The following ADAMTS12 variants were observed in gnomAD, a reference collection of about 807,000 sequenced individuals.
The protein encoded by ADAMTS12 is A disintegrin and metalloproteinase with thrombospondin motifs 12.
ADAMTS12 carries 118 observed loss-of-function variants against 167.8 expected under a neutral mutation model. That is an observed-to-expected ratio of 0.70 (90% CI 0.61 to 0.82). ADAMTS12 has a LOEUF of 0.82. ADAMTS12 is among the 40% of genes least tolerant of loss of function. The pLI is 0.00. For synonymous variants in ADAMTS12, 704 were observed against 716.9 expected (o/e 0.98, Z 0.29); for missense variants, 1,916 against 1,998.8 (o/e 0.96, Z 0.79).
At position 33,762,325 on chromosome 5, in the gene ADAMTS12, G is replaced by A. The variant is rs1313932935; in HGVS notation, c.490-10777C>T. 6.6e-5 allele frequency among the ~76,000 whole-genome samples: 10 copies of A among 151,986 alleles called. No individual in the cohort carries two copies. In the South Asian group the frequency reaches 1.5e-3, roughly 22 times the overall value. On this transcript the variant is annotated intron_variant, in intron 2 of 23. Coordinates refer to ENST00000504830, the MANE Select transcript of ADAMTS12 (RefSeq NM_030955.4). ...AGATCGAGACCATCCTGGCTAACAC[G>A]GTGAAACCCTGTCTCTACTAAAAAT...
chr5:33,624,644 T>C (rs577252523), intron 13 of ADAMTS12, among the ~76,000 whole-genome samples: 71 of 152,312 alleles, frequency 4.7e-4, no homozygotes, highest in African/African-American at 1.6e-3. Flanking sequence ...AATCTAACTA[T>C]GAAAACATCT....
intron 3 of ADAMTS12, among the ~76,000 whole-genome samples, chr5:33,698,986 G>A (rs1450115613): frequency 2.6e-5 from 4 of 152,042 alleles, no homozygotes; most frequent in African/African-American, 7.2e-5. Context: ...GTGAAACCCC[G>A]TCTCAACTAA....
intron 19 of ADAMTS12, among the ~76,000 whole-genome samples, chr5:33,566,501 TCTC>T (rs1320116629): frequency 6.6e-6 from 1 of 152,072 alleles, no homozygotes; most frequent in African/African-American, 2.4e-5. Flanking sequence ...CTCCTTCTCT[TCTC>T]CTCTCTCTTC....
chr5:33,549,132 C>T, intron 21 of ADAMTS12, 75 bp downstream of exon 21: 5 of 1,531,782 alleles, frequency 3.3e-6, no homozygotes, highest in South Asian at 1.3e-5. Context: ...CTGATTTCTA[C>T]ACTTATGCAG....
In ADAMTS12 at chr5:33,595,998, A is replaced by G; in HGVS notation, c.2590T>C (p.Cys864Arg). The G allele has an allele frequency of 6.2e-7, 1 of 1,614,130 alleles. No homozygotes were observed. Among genetic ancestry groups the G allele is most frequent in the East Asian group, 2.2e-5 (1 of 44,878 alleles). The change falls in exon 17 of 24, where the codon TGT (cysteine) becomes CGT (arginine). Residue 864 changes from cysteine to arginine, a missense_variant. Transcript: ENST00000504830. ...KGRGMVKATF[C>R]DPETQPNGRQ... ...CCATTGGGCTGTGTTTCTGGGTCAC[A>G]GAATGTAGCTTTCACCATCCCGCGG...
Position 33,576,741 on chromosome 5 carries a change from T to A in ADAMTS12, c.3285A>T (p.Gln1095His), listed in dbSNP as rs770996077. 2 of 1,614,028 alleles carry A rather than the reference T, an allele frequency of 1.2e-6. No individual in the cohort carries two copies. The highest frequency in any genetic ancestry group is 1.7e-6 in the Non-Finnish European group (2 of 1,180,040). The change falls in exon 19 of 24, where the codon CAA becomes CAT. Residue 1095 changes from glutamine to histidine, a missense_variant. Transcript: ENST00000504830. ...GSTSQPILTSQSLSIQPSEEN... is the reference protein window; with the variant it reads ...GSTSQPILTSHSLSIQPSEEN... The stretch of plus-strand genomic sequence containing the variant: ...CCTCACTTGGCTGAATGCTCAAGGA[T>A]TGGGAAGTGAGGATGGGCTGGGAAG...
At position 33,768,327 on chromosome 5, in the gene ADAMTS12, G is replaced by T. The variant is rs577676504; in HGVS notation, c.490-16779C>A. On this transcript the variant is annotated intron_variant, in intron 2 of 23. Coordinates refer to ENST00000504830, the MANE Select transcript of ADAMTS12 (RefSeq NM_030955.4). ...AACCCATAACTCTAAAGCCAAGGGG[G>T]TGATTTTTTAATACCTCTGCTAGCT... Among the ~76,000 whole-genome samples, 14 of 152,268 alleles carry T rather than the reference G, an allele frequency of 9.2e-5. No individual in the cohort carries two copies. In the South Asian group the frequency reaches 2.1e-3, roughly 23 times the overall value.
chr5:33,660,330 T>C (rs1741212003), intron 6 of ADAMTS12, among the ~76,000 whole-genome samples: 1 of 152,166 alleles, frequency 6.6e-6, no homozygotes, highest in Non-Finnish European at 1.5e-5. Flanking sequence ...GCAATGAGAT[T>C]TTGGGCAAGA....
chr5:33,623,348 T>A (rs542562763), intron 14 of ADAMTS12, among the ~76,000 whole-genome samples: 1 of 152,118 alleles, frequency 6.6e-6, no homozygotes, highest in African/African-American at 2.4e-5. Flanking sequence ...CTCCCTAGAG[T>A]AACCTCAACC....
chr5:33,640,177 G>C (rs2112169479), intron 11 of ADAMTS12, among the ~76,000 whole-genome samples: 1 of 152,316 alleles, frequency 6.6e-6, no homozygotes, highest in East Asian at 1.9e-4. Context: ...TTGAACCACA[G>C]ATCCAAATCT....
At chr5:33,622,319 C>T (rs922189442) in intron 14 of ADAMTS12, among the ~76,000 whole-genome samples, 3 of 152,122 alleles carry the variant, frequency 2.0e-5, no homozygotes, top group Non-Finnish European at 4.4e-5. Flanking sequence ...ATTAGAAGAA[C>T]AGCACCTCAG....
intron 5 of ADAMTS12, among the ~76,000 whole-genome samples, chr5:33,676,918 T>G (rs1441246706): frequency 6.6e-6 from 1 of 152,120 alleles, no homozygotes; most frequent in Non-Finnish European, 1.5e-5. Flanking sequence ...CCAAGAAGAA[T>G]TTCTTTGTGA....
intron 21 of ADAMTS12, among the ~76,000 whole-genome samples, chr5:33,546,725 T>C (rs886480578): frequency 4.6e-5 from 7 of 152,246 alleles, no homozygotes; most frequent in African/African-American, 1.7e-4. Flanking sequence ...GTCAGATTTC[T>C]AAAAGGGTAC....
intron 3 of ADAMTS12, among the ~76,000 whole-genome samples, chr5:33,703,971 G>A (rs971946378): frequency 4.6e-5 from 7 of 152,286 alleles, no homozygotes; most frequent in Admixed American, 3.9e-4. Flanking sequence ...AGCCTCTTCT[G>A]CTTTAACCTT....
Position 33,624,241 on chromosome 5 carries a change from C to T in ADAMTS12, c.2133G>A (p.Lys711=), listed in dbSNP as rs746257990. 1 of 1,614,108 alleles carries T rather than the reference C, an allele frequency of 6.2e-7. No homozygotes were observed. The highest frequency in any genetic ancestry group is 8.5e-7 in the Non-Finnish European group (1 of 1,179,960). Reference sequence around the variant, plus strand: ...TTATTTGTTTATTACCAGATCCTTCCTTCTGCTTAAACATCTTTCTCACAG... The same window carrying T: ...TTATTTGTTTATTACCAGATCCTTCTTTCTGCTTAAACATCTTTCTCACAG... ...CQTVRKMFKQ[K]EGSGYVDIGL... Residue 711 remains lysine, a synonymous_variant, in exon 14 of 24, where the codon AAG becomes AAA. Coordinates refer to ENST00000504830, the MANE Select transcript of ADAMTS12 (RefSeq NM_030955.4).
chr5:33,881,740 T>G (rs991954240), intron 1 of ADAMTS12, among the ~76,000 whole-genome samples: 6 of 150,854 alleles, frequency 4.0e-5, no homozygotes, highest in African/African-American at 7.3e-5. Context: ...TTTTGTTTTT[T>G]TTTTTTTTTT....
intron 19 of ADAMTS12, among the ~76,000 whole-genome samples, chr5:33,569,607 A>T (rs532537504): frequency 1.3e-5 from 2 of 152,338 alleles, no homozygotes; most frequent in South Asian, 4.1e-4. Flanking sequence ...CATCACCATC[A>T]TCAAAGACCA....
chr5:33,555,177 G>C lies in ADAMTS12; in HGVS notation c.4126-5794C>G, dbSNP rs75244087. Among the ~76,000 whole-genome samples the C allele has an allele frequency of 8.1e-3, 1,231 of 152,278 alleles. 19 individuals carry two copies. Among genetic ancestry groups the C allele is most frequent in the African/African-American group, 0.028 (1,154 of 41,556 alleles). On this transcript the variant is annotated intron_variant, in intron 20 of 23. Transcript: ENST00000504830. ...ATGCATCGTTTTGCTGTCAAACCCA[G>C]CTGAGGATTTTTCAAGCTCATTATT...
At chr5:33,592,790 ATAAGAT>A (rs1213443898) in intron 17 of ADAMTS12, among the ~76,000 whole-genome samples, 4 of 152,208 alleles carry the variant, frequency 2.6e-5, no homozygotes, top group African/African-American at 9.6e-5. Context: ...CCATAAATAA[ATAAGAT>A]TAAACCTTGC....
Sources: allele counts gnomAD v4.1 joint callset (sites outside exome capture counted in the v4.1 genomes callset), GRCh38; gene constraint gnomAD v4.1.1; transcripts MANE v1.5; gene names NCBI Gene and HGNC (gene_info 2026-07-23, HGNC 2026-07-21).